CDH1: variants seen among roughly 807,000 people sequenced by gnomAD.
CDH1 encodes the protein cadherin 1, also known as cadherin-1.
In CDH1, 35 loss-of-function variants were observed where a neutral mutation model predicts 84.5. The observed-to-expected ratio is 0.41, with a 90% CI of 0.32 to 0.55. The LOEUF (loss-of-function observed/expected upper bound fraction) is 0.55. Ranked by LOEUF, CDH1 falls within the 20% of genes least tolerant of loss-of-function variation. The probability of loss-of-function intolerance (pLI) is 0.19; values close to 1 mark genes in which losing one functional copy is unlikely to be tolerated. For missense variants in CDH1, 994 were observed against 1,126.6 expected (o/e 0.88, Z 1.68); for synonymous variants, 417 against 439.0 (o/e 0.95, Z 0.63).
intron 2 of CDH1, among the ~76,000 whole-genome samples, chr16:68,798,932 C>G (rs1207612876): frequency 6.6e-6 from 1 of 152,192 alleles, no homozygotes; most frequent in Non-Finnish European, 1.5e-5. Context: ...GTTCAGTTAA[C>G]AAACACTTGT....
At chr16:68,769,532 C>T (rs1388743722) in intron 2 of CDH1, among the ~76,000 whole-genome samples, 3 of 151,572 alleles carry the variant, frequency 2.0e-5, no homozygotes, top group African/African-American at 2.4e-5. Context: ...TGGTCTTGAG[C>T]TCCTGGGATC....
At chr16:68,799,310 G>A (rs1388800905) in intron 2 of CDH1, among the ~76,000 whole-genome samples, 4 of 152,344 alleles carry the variant, frequency 2.6e-5, no homozygotes, top group Non-Finnish European at 5.9e-5. Context: ...GAAGGTAGGG[G>A]TTGGGGCATG....
chr16:68,745,549 A>ATATATATATATGTGT (rs1285099283), intron 2 of CDH1, among the ~76,000 whole-genome samples: 1 of 75,182 alleles, frequency 1.3e-5, no homozygotes, highest in Admixed American at 1.8e-4. Flanking sequence ...AAAAAAAAAA[A>ATATATATATATGTGT]ATATATATAT....
At chr16:68,770,348 C>G (rs1959530806) in intron 2 of CDH1, among the ~76,000 whole-genome samples, 1 of 152,106 alleles carries the variant, frequency 6.6e-6, no homozygotes, top group Non-Finnish European at 1.5e-5. Context: ...ATTTGGGTCT[C>G]TTGTGTCCCA....
intron 2 of CDH1, among the ~76,000 whole-genome samples, chr16:68,784,442 C>T (rs1343386968): frequency 6.6e-6 from 1 of 152,110 alleles, no homozygotes; most frequent in African/African-American, 2.4e-5. Context: ...CATCCGCCGG[C>T]AGCACCCCCT....
intron 2 of CDH1, among the ~76,000 whole-genome samples, chr16:68,753,106 G>A (rs777179078): frequency 6.6e-6 from 1 of 151,334 alleles, no homozygotes; most frequent in East Asian, 2.0e-4. Context: ...CCAGCACTTC[G>A]GGAGGCCGAG....
At chr16:68,745,549 A>ATATATATATATATATATGT (rs1285099283) in intron 2 of CDH1, among the ~76,000 whole-genome samples, 9,824 of 74,998 alleles carry the variant, frequency 0.13, 710 homozygotes, top group South Asian at 0.17. Context: ...AAAAAAAAAA[A>ATATATATATATATATATGT]ATATATATAT....
intron 3 of CDH1, among the ~76,000 whole-genome samples, chr16:68,802,714 G>C (rs993959252): frequency 6.6e-6 from 1 of 152,078 alleles, no homozygotes; most frequent in South Asian, 2.1e-4. Context: ...CAAATGATCT[G>C]CCTGCCTCAG....
chr16:68,827,366 C>CT (rs66996303), intron 13 of CDH1, among the ~76,000 whole-genome samples: 78 of 147,924 alleles, frequency 5.3e-4, no homozygotes, highest in South Asian at 1.1e-3. Context: ...CACATGGAAT[C>CT]TTTTTTTTTT....
At chr16:68,798,734 A>T (rs1960424897) in intron 2 of CDH1, among the ~76,000 whole-genome samples, 1 of 152,206 alleles carries the variant, frequency 6.6e-6, no homozygotes. Flanking sequence ...TGTTTACATG[A>T]CAAGCCCCTA....
rs587780784 is a variant in CDH1, at chr16:68,811,854, C to G, written c.1003C>G (p.Arg335Gly). Residue 335 changes from arginine (R) to glycine (G), a missense_variant, in exon 7 of 16, where the codon CGA (arginine) becomes GGA (glycine). Arg to Gly is a moderately radical substitution (Grantham distance 125). Around this residue, in one of 3 missense-constraint regions of CDH1, gnomAD observed 769 missense variants for 881.8 expected, o/e 0.87. Transcript: ENST00000261769. ...VISVVTTGLDRESFPTYTLVV... is the reference protein window; with the variant it reads ...VISVVTTGLDGESFPTYTLVV... ...CAGTGTGGTCACCACTGGGCTGGAC[C>G]GAGAGGTCAGGGGTCAGGAGGATCC... 6 of 1,614,050 alleles carry G rather than the reference C, an allele frequency of 3.7e-6. No homozygotes were observed. In the Admixed American group the frequency reaches 1.0e-4, roughly 27 times the overall value.
At chr16:68,783,040 T>C (rs1959927054) in intron 2 of CDH1, among the ~76,000 whole-genome samples, 1 of 152,110 alleles carries the variant, frequency 6.6e-6, no homozygotes, top group Non-Finnish European at 1.5e-5. Context: ...CATCACATGT[T>C]GCCTATTGAG....
At chr16:68,737,497 T>C (rs1429174954) in intron 1 of CDH1, 34 bp downstream of exon 1, 16 of 1,490,806 alleles carry the variant, frequency 1.1e-5, no homozygotes, top group East Asian at 5.0e-5. Context: ...GAGGGACGCA[T>C]TCGGGCCGCA....
At chr16:68,745,729 A>C (rs1270620748) in intron 2 of CDH1, among the ~76,000 whole-genome samples, 1 of 151,494 alleles carries the variant, frequency 6.6e-6, no homozygotes, top group Non-Finnish European at 1.5e-5. Flanking sequence ...CTAAAAATCA[A>C]ATCACCTAGG....
chr16:68,785,032 AT>A (rs1415726046), intron 2 of CDH1, among the ~76,000 whole-genome samples: 35 of 152,134 alleles, frequency 2.3e-4, no homozygotes, highest in Admixed American at 2.0e-3. Context: ...TGAAAAAAAA[AT>A]AATCTAAAAA....
At position 68,808,769 on chromosome 16, in the gene CDH1, G is replaced by T. The variant is rs753584564; in HGVS notation, c.608G>T (p.Gly203Val). 1 of 1,614,158 alleles carries T rather than the reference G, an allele frequency of 6.2e-7. No homozygotes were observed. Among genetic ancestry groups the T allele is most frequent in the Non-Finnish European group, 8.5e-7 (1 of 1,180,006 alleles). The change falls in exon 5 of 16, where the codon GGT (glycine) becomes GTT (valine). Residue 203 changes from glycine to valine, a missense_variant. Transcript: ENST00000261769. ...TGQGADTPPV[G>V]VFIIERETGW... ...CAAGGAGCTGACACACCCCCTGTTG[G>T]TGTCTTTATTATTGAAAGAGAAACA... is the stretch of plus-strand genomic sequence containing the variant.
intron 2 of CDH1, among the ~76,000 whole-genome samples, chr16:68,771,676 C>T (rs991858517): frequency 5.3e-5 from 8 of 151,288 alleles, no homozygotes; most frequent in South Asian, 2.1e-4. Flanking sequence ...CGCTTGAACC[C>T]AGGAGGTGGA....
intron 2 of CDH1, among the ~76,000 whole-genome samples, chr16:68,785,832 C>T (rs995422224): frequency 6.6e-6 from 1 of 151,958 alleles, no homozygotes; most frequent in Non-Finnish European, 1.5e-5. Flanking sequence ...TTTGGGCTGT[C>T]GCCCATGTTT....
At chr16:68,757,842 G>C (rs931970267) in intron 2 of CDH1, among the ~76,000 whole-genome samples, 1 of 150,662 alleles carries the variant, frequency 6.6e-6, no homozygotes, top group African/African-American at 2.4e-5. Flanking sequence ...ACCCAGGCTG[G>C]AGTGGAGTGG....
Sources: gnomAD v4.1 joint callset for allele counts (sites outside exome capture counted in the v4.1 genomes callset) on GRCh38, gnomAD v4.1.1 for gene constraint, gnomAD v4.1.1 regional missense constraint, MANE v1.5 for transcripts, NCBI Gene and HGNC (gene_info 2026-07-23, HGNC 2026-07-21) for gene names.